The following DNAH10 variants were observed in gnomAD, a reference collection of about 807,000 sequenced individuals.
DNAH10 encodes axonemal beta dynein heavy chain 10.
In DNAH10, 348 loss-of-function variants were observed where a neutral mutation model predicts 506.6. The ratio of observed to expected loss-of-function variants is 0.69; its 90% CI spans 0.63 to 0.75. DNAH10 has a LOEUF of 0.75. Ranked by LOEUF, DNAH10 falls within the 30% of genes least tolerant of loss-of-function variation. The pLI is 0.00. For synonymous variants in DNAH10, 2,059 were observed against 2,198.6 expected, an observed-to-expected ratio of 0.94 and a Z score of 1.78; for missense variants, 5,179 against 5,787.1, an observed-to-expected ratio of 0.89 and a Z score of 3.41.
At chr12:123,855,677 T>C (rs55798263) in intron 36 of DNAH10, among the ~76,000 whole-genome samples, 48,096 of 148,126 alleles carry the variant, frequency 0.32, 7,935 homozygotes, top group Middle Eastern at 0.4. Context: ...TATATATATA[T>C]GCGCACCTAA....
At chr12:123,797,166 C>T (rs1205601463) in intron 13 of DNAH10, among the ~76,000 whole-genome samples, 6 of 151,960 alleles carry the variant, frequency 3.9e-5, no homozygotes, top group Non-Finnish European at 5.9e-5. Context: ...CCATAGCACC[C>T]GGCCCTGTAT....
In DNAH10 at chr12:123,933,517, G is replaced by T. The variant is rs770641757; in HGVS notation, c.13477+6G>T. The T allele has an allele frequency of 6.3e-7, 1 of 1,588,466 alleles. No homozygotes were observed. The highest frequency in any genetic ancestry group is 1.3e-5 in the African/African-American group (1 of 74,182). The stretch of plus-strand genomic sequence containing the variant: ...GAATGAGCGGGCGGGACAAGGTACC[G>T]TCAGCTCGTTAGGGATCCACAGCCT... On this transcript the variant is annotated splice_donor_region_variant and intron_variant, in intron 77 of 78. Coordinates refer to ENST00000673944, the MANE Select transcript of DNAH10 (RefSeq NM_001372106.1).
rs1176723441 is a variant in DNAH10, at chr12:123,913,768, C to T, written c.10352+453C>T. Among the ~76,000 whole-genome samples, 4 of 152,216 alleles carry T rather than the reference C, an allele frequency of 2.6e-5. No individual in the cohort carries two copies. The highest frequency in any genetic ancestry group is 1.3e-4 in the Admixed American group (2 of 15,278). ...GGCTGTTTGATATTTATGGGCAAGA[C>T]CGCTTGGCCACAGCTTATTCACCAA... On this transcript the variant is annotated intron_variant, in intron 60 of 78. Transcript: ENST00000673944. The surrounding 1 kb of genome is among the most constrained non-coding windows in gnomAD (Gnocchi z 5.1).
rs371833052 is a variant in DNAH10 at position 123,898,801 on chromosome 12, C to T, written c.9627C>T (p.Val3209=). 8.2e-5 allele frequency: 132 copies of T among 1,609,882 alleles called. 1 individual carries two copies. The African/African-American group carries it at 1.4e-3, about 17-fold the overall frequency. ...ACEALLEEIA[V]NTAVAEEKKK... is the part of the protein sequence containing the mutation. ...AGGCCTTGCTGGAGGAGATCGCCGT[C>T]AACACCGCTGTAGGTGAGTGAGGGC... Residue 3209 remains valine (V), a synonymous_variant, in exon 56 of 79, where the codon GTC becomes GTT. Coordinates refer to ENST00000673944, the MANE Select transcript of DNAH10 (RefSeq NM_001372106.1).
chr12:123,804,944 T>A lies in DNAH10; in HGVS notation c.2891T>A (p.Val964Asp). ...CTGCTGACCAAAGTTGAGGGCCTGG[T>A]CGTCCACACCAACACAGGCAAGGCC... ...GPLLTKVEGL[V>D]VHTNTGKAPK... The change falls in exon 18 of 79, where the codon GTC becomes GAC. Residue 964 changes from valine (V) to aspartate (D), a missense_variant. This residue lies in a region of DNAH10 where 4,844 missense variants were observed against 5,430.5 expected (regional missense o/e 0.89). Transcript: ENST00000673944. The A allele has an allele frequency of 6.2e-7, 1 of 1,614,168 alleles. No homozygotes were observed. Among genetic ancestry groups the A allele is most frequent in the Non-Finnish European group, 8.5e-7 (1 of 1,180,032 alleles).
In DNAH10 at chr12:123,853,862, A is replaced by G. The variant is rs76184058; in HGVS notation, c.6438+510A>G. 0.011 allele frequency among the ~76,000 whole-genome samples: 854 copies of G among 75,856 alleles called. 7 individuals are homozygous for G. Among genetic ancestry groups the G allele is most frequent in the African/African-American group, 0.032 (799 of 24,792 alleles). The allele number at this position is 75,856 out of a possible 152,430, so 49.8% of individuals were successfully genotyped here. ...CACACGCACGGACACACGCACGCGC[A>G]CACACACACGGATACATGCACGCGC... is the stretch of plus-strand genomic sequence containing the variant. On this transcript the variant is annotated intron_variant, in intron 36 of 78. Transcript: ENST00000673944. The surrounding 1 kb of genome is among the most constrained non-coding windows in gnomAD (Gnocchi z 4.7).
chr12:123,775,932 G>A (rs1219771174), intron 5 of DNAH10, among the ~76,000 whole-genome samples: 2 of 152,134 alleles, frequency 1.3e-5, no homozygotes, highest in African/African-American at 4.8e-5. Context: ...AAATCATGGT[G>A]GAAGGGGAAG....
rs140985648 is a variant in DNAH10, at chr12:123,830,594, C to T, written c.4440C>T (p.Thr1480=). 1.5e-5 allele frequency: 25 copies of T among 1,613,332 alleles called. No individual in the cohort carries two copies. Among genetic ancestry groups the T allele is most frequent in the South Asian group, 8.8e-5 (8 of 91,016 alleles). ...AAACGTCTGTCTTTTTTGAAATGACCGAAACGTTCACCTTGGAAAATATGT... is the reference window on the plus strand; with the variant it reads ...AAACGTCTGTCTTTTTTGAAATGACTGAAACGTTCACCTTGGAAAATATGT... The part of the protein sequence containing the change: ...MEKTSVFFEM[T]ETFTLENMFA... The change falls in exon 26 of 79, where the codon ACC becomes ACT. Residue 1480 remains threonine (T), a synonymous_variant. Transcript: ENST00000673944.
chr12:123,930,501 C>T lies in DNAH10; in HGVS notation c.12712C>T (p.Pro4238Ser). Reference sequence around the variant, plus strand: ...GGACTTCATTTTTGATACTTTCCAGCCATTCCACTTCTTCCGGAACAAGGA... The same window carrying T: ...GGACTTCATTTTTGATACTTTCCAGTCATTCCACTTCTTCCGGAACAAGGA... ...LGDFIFDTFQ[P>S]FHFFRNKEVD... is the part of the protein sequence containing the mutation. The change falls in exon 73 of 79, where the codon CCA becomes TCA. Residue 4238 changes from proline (P) to serine (S), a missense_variant. This residue lies in a region of DNAH10 where 4,844 missense variants were observed against 5,430.5 expected (regional missense o/e 0.89). Coordinates refer to ENST00000673944, the MANE Select transcript of DNAH10 (RefSeq NM_001372106.1). 6.2e-7 allele frequency: 1 copy of T among 1,610,760 alleles called. No homozygotes were observed. The highest frequency in any genetic ancestry group is 8.5e-7 in the Non-Finnish European group (1 of 1,178,982).
intron 12 of DNAH10, 116 bp downstream of exon 12, chr12:123,794,228 C>T: frequency 3.6e-6 from 3 of 824,468 alleles, no homozygotes; most frequent in Non-Finnish European, 4.6e-6. Flanking sequence ...CTAGAATTTT[C>T]CCAAATTAGC....
In DNAH10 at chr12:123,934,712, G is replaced by A. The variant is rs770077699; in HGVS notation, c.13569G>A (p.Val4523=). ...LIKSKPKVLV[V]DLPILKIIPI... ...AGAGCAAACCCAAGGTGCTGGTTGT[G>A]GACCTGCCGATCCTGAAGATCATCC... Residue 4523 remains valine (V), a synonymous_variant, in exon 78 of 79, where the codon GTG becomes GTA. Transcript: ENST00000673944. 1.9e-6 allele frequency: 3 copies of A among 1,613,750 alleles called. No homozygotes were observed. The highest frequency in any genetic ancestry group is 1.7e-5 in the Admixed American group (1 of 59,988).
intron 42 of DNAH10, 130 bp downstream of exon 42, chr12:123,867,731 C>T (rs796766914): frequency 8.3e-5 from 118 of 1,418,448 alleles, no homozygotes; most frequent in African/African-American, 3.7e-4. Flanking sequence ...CCAAGGCGGG[C>T]GCCGTGCTTG....
At chr12:123,840,432 C>T (rs893143026) in intron 29 of DNAH10, among the ~76,000 whole-genome samples, 2 of 90,784 alleles carry the variant, frequency 2.2e-5, no homozygotes, top group Non-Finnish European at 3.9e-5. Context: ...TCAGACAGGG[C>T]GTTGCTTTGT....
chr12:123,834,977 C>T (rs1048661145), intron 27 of DNAH10, among the ~76,000 whole-genome samples: 2 of 152,152 alleles, frequency 1.3e-5, no homozygotes, highest in Non-Finnish European at 2.9e-5. Context: ...ACAGTGCTGC[C>T]GTCAGCATTC....
chr12:123,796,695 A>ATTCTT lies in DNAH10; in HGVS notation c.2026_2027insTTCTT (p.Asn676IlefsTer13). 6.2e-7 allele frequency: 1 copy of ATTCTT among 1,611,914 alleles called. No individual in the cohort carries two copies. The highest frequency in any genetic ancestry group is 8.5e-7 in the Non-Finnish European group (1 of 1,179,362). ...TAAAATCTTTGTCCAGAACCTTGAA[A>ATTCTT]ATCCACCACTGTATAAGAATCACCC... On this transcript the variant is annotated frameshift_variant, in exon 13 of 79. Coordinates refer to ENST00000673944, the MANE Select transcript of DNAH10 (RefSeq NM_001372106.1). LOFTEE classifies it high-confidence loss of function.
intron 32 of DNAH10, among the ~76,000 whole-genome samples, chr12:123,847,308 T>TTATCTATC (rs71308008): frequency 0.02 from 3,025 of 149,028 alleles, 41 homozygotes; most frequent in Non-Finnish European, 0.028. Flanking sequence ...ATCATCTATT[T>TTATCTATC]TATCTATCTA....
At chr12:123,766,541 A>G (rs973949213) in intron 1 of DNAH10, among the ~76,000 whole-genome samples, 1 of 152,120 alleles carries the variant, frequency 6.6e-6, no homozygotes, top group African/African-American at 2.4e-5. Flanking sequence ...ACCACATTCT[A>G]CTCATCCATT....
intron 73 of DNAH10, 58 bp downstream of exon 73, chr12:123,930,631 C>T (rs950130601): frequency 1.3e-6 from 2 of 1,567,120 alleles, no homozygotes; most frequent in South Asian, 1.2e-5. Context: ...GGAGACCATA[C>T]ATTTCAACCG....
In DNAH10 at chr12:123,846,215, G is replaced by C; in HGVS notation, c.5814+61G>C. The C allele has an allele frequency of 1.3e-6, 2 of 1,549,380 alleles. No homozygotes were observed. Among genetic ancestry groups the C allele is most frequent in the Non-Finnish European group, 1.7e-6 (2 of 1,147,482 alleles). On this transcript the variant is annotated intron_variant, in intron 32 of 78. Transcript: ENST00000673944. This position sits in a 1 kb window ranked among gnomAD's most constrained non-coding sequence, Gnocchi z 4.5. ...CCTTGGGGCGGGGCATTTTCTCTAA[G>C]CTTGAGGTGTGATGACTGCAGTGAT...
Sources: gnomAD v4.1 joint callset for allele counts (sites outside exome capture counted in the v4.1 genomes callset) on GRCh38, gnomAD v4.1.1 for gene constraint, gnomAD v4.1.1 regional missense constraint, Gnocchi (gnomAD v3.1) non-coding constraint, MANE v1.5 for transcripts, NCBI Gene and HGNC (gene_info 2026-07-23, HGNC 2026-07-21) for gene names.